The following LRRTM4 variants were observed in gnomAD, a reference collection of about 807,000 sequenced individuals.
The protein encoded by LRRTM4 is leucine rich repeat transmembrane neuronal 4.
A neutral mutation model predicts 47.6 loss-of-function variants in LRRTM4; 25 were observed. The ratio of observed to expected loss-of-function variants is 0.53; its 90% CI spans 0.38 to 0.73. LRRTM4 has a LOEUF of 0.73. LRRTM4 is among the 30% of genes least tolerant of loss of function. The pLI, the probability that LRRTM4 is intolerant of heterozygous loss-of-function variation, is 0.00. For synonymous variants in LRRTM4, 311 were observed against 269.5 expected (o/e 1.15, Z -1.51); for missense variants, 638 against 713.4 (o/e 0.89, Z 1.20).
intron 3 of LRRTM4, among the ~76,000 whole-genome samples, chr2:77,423,896 C>T (rs542617658): frequency 6.6e-6 from 1 of 152,146 alleles, no homozygotes; most frequent in Non-Finnish European, 1.5e-5. Context: ...GACAACCAGT[C>T]TTTGGTACAA....
intron 3 of LRRTM4, among the ~76,000 whole-genome samples, chr2:76,912,381 A>G (rs779990619): frequency 3.9e-5 from 6 of 152,132 alleles, no homozygotes; most frequent in Non-Finnish European, 7.4e-5. Context: ...CTTCAGTACT[A>G]TTTTCAGTTA....
At chr2:77,302,502 G>C (rs112429324) in intron 3 of LRRTM4, among the ~76,000 whole-genome samples, 1 of 152,222 alleles carries the variant, frequency 6.6e-6, no homozygotes, top group South Asian at 2.1e-4. Context: ...AAATATCACA[G>C]GGTTGCAAGT....
At chr2:76,803,003 A>G (rs987572092) in intron 3 of LRRTM4, among the ~76,000 whole-genome samples, 2 of 152,192 alleles carry the variant, frequency 1.3e-5, no homozygotes, top group Non-Finnish European at 2.9e-5. Context: ...AACAAGTAGT[A>G]GAAAACAGGG....
In LRRTM4 at chr2:77,157,037, A is replaced by G. The variant is rs1672579644; in HGVS notation, c.1551+361281T>C. Among the ~76,000 whole-genome samples the G allele has an allele frequency of 2.0e-5, 3 of 152,150 alleles. No homozygotes were observed. The South Asian group carries it at 6.2e-4, about 31-fold the overall frequency. On this transcript the variant is annotated intron_variant, in intron 3 of 3. Transcript: ENST00000409884. ...AGTAATAACAATTGTTATTAAATAT[A>G]CAAGTTATTAAACAAACCCTTAACA... is the stretch of plus-strand genomic sequence containing the variant.
At chr2:77,251,450 G>A (rs1463734001) in intron 3 of LRRTM4, among the ~76,000 whole-genome samples, 1 of 151,792 alleles carries the variant, frequency 6.6e-6, no homozygotes, top group East Asian at 2.0e-4. Flanking sequence ...AGATGAAAAG[G>A]AAGCTAAGTA....
At chr2:76,829,219 T>C (rs1671267298) in intron 3 of LRRTM4, among the ~76,000 whole-genome samples, 1 of 151,940 alleles carries the variant, frequency 6.6e-6, no homozygotes. Context: ...AACTGTTGGC[T>C]GGGTAATGAG....
intron 3 of LRRTM4, among the ~76,000 whole-genome samples, chr2:76,974,178 A>G (rs1676323209): frequency 7.6e-6 from 1 of 131,366 alleles, no homozygotes; most frequent in Non-Finnish European, 1.5e-5. Context: ...ACATACATAT[A>G]TATACATACA....
chr2:76,807,939 TTCTTTCTTTC>T (rs1670591609), intron 3 of LRRTM4, among the ~76,000 whole-genome samples: 1 of 135,680 alleles, frequency 7.4e-6, no homozygotes, highest in African/African-American at 3.0e-5. Context: ...TTTCCTTTCT[TTCTTTCTTTC>T]TTTCTTTTTC....
chr2:76,906,399 A>C (rs1673840745), intron 3 of LRRTM4, among the ~76,000 whole-genome samples: 2 of 152,184 alleles, frequency 1.3e-5, no homozygotes, highest in Admixed American at 1.3e-4. Context: ...GTCATGCCAA[A>C]TTGTAAAGAC....
intron 3 of LRRTM4, among the ~76,000 whole-genome samples, chr2:76,834,927 T>G (rs1010255341): frequency 3.3e-5 from 5 of 152,142 alleles, no homozygotes; most frequent in African/African-American, 1.2e-4. Context: ...TCCCTTTAGC[T>G]CTACAAAAGT....
intron 3 of LRRTM4, among the ~76,000 whole-genome samples, chr2:76,900,656 C>A (rs1249615911): frequency 2.0e-5 from 3 of 152,042 alleles, no homozygotes; most frequent in Non-Finnish European, 4.4e-5. Flanking sequence ...AAAGTATGTC[C>A]ATTTAAGTAT....
chr2:77,018,833 CTTCT>C lies in LRRTM4; in HGVS notation c.1552-269921_1552-269918del, dbSNP rs1378763431. ...ACAATTGGTATGTCACATTATTATT[CTTCT>C]TTCATGAAAGCAAGTTCTAATGAAC... On this transcript the variant is annotated intron_variant, in intron 3 of 3. Transcript: ENST00000409884. Among the ~76,000 whole-genome samples, 40 of 152,158 alleles carry C rather than the reference CTTCT, an allele frequency of 2.6e-4. No homozygotes were observed. The East Asian group carries it at 7.3e-3, about 28-fold the overall frequency.
chr2:77,150,908 T>G (rs1168615997), intron 3 of LRRTM4, among the ~76,000 whole-genome samples: 1 of 152,210 alleles, frequency 6.6e-6, no homozygotes, highest in Non-Finnish European at 1.5e-5. Flanking sequence ...CATCATTAAT[T>G]TAAAATTAGT....
intron 3 of LRRTM4, among the ~76,000 whole-genome samples, chr2:76,945,754 AGTG>A (rs1675301703): frequency 6.7e-6 from 1 of 150,236 alleles, no homozygotes. Flanking sequence ...AGTGTGTAGA[AGTG>A]TGTGTGTGTG....
chr2:77,187,232 C>A (rs1673536486), intron 3 of LRRTM4, among the ~76,000 whole-genome samples: 1 of 152,142 alleles, frequency 6.6e-6, no homozygotes, highest in South Asian at 2.1e-4. Context: ...ATTGATGCTA[C>A]AAAGTTCCTT....
chr2:77,213,483 T>C (rs1674352413), intron 3 of LRRTM4, among the ~76,000 whole-genome samples: 1 of 152,176 alleles, frequency 6.6e-6, no homozygotes, highest in Non-Finnish European at 1.5e-5. Context: ...AATATGTATA[T>C]GTATACATAC....
intron 3 of LRRTM4, among the ~76,000 whole-genome samples, chr2:76,955,349 G>C (rs192728384): frequency 1.3e-5 from 2 of 151,894 alleles, no homozygotes; most frequent in African/African-American, 4.8e-5. Context: ...GAGAAAAAAA[G>C]TGTAGTGTTT....
chr2:77,497,529 C>A (rs556193427), intron 3 of LRRTM4, among the ~76,000 whole-genome samples: 1 of 151,416 alleles, frequency 6.6e-6, no homozygotes, highest in East Asian at 1.9e-4. Context: ...TTATGCCACA[C>A]TTTTCTAGTT....
At chr2:76,769,168 T>C (rs1673580908) in intron 3 of LRRTM4, among the ~76,000 whole-genome samples, 1 of 152,106 alleles carries the variant, frequency 6.6e-6, no homozygotes, top group African/African-American at 2.4e-5. Context: ...AACATCTTCA[T>C]AGGACTAGAA....
Sources: allele counts gnomAD v4.1 joint callset (sites outside exome capture counted in the v4.1 genomes callset), GRCh38; gene constraint gnomAD v4.1.1; transcripts MANE v1.5; gene names NCBI Gene and HGNC (gene_info 2026-07-23, HGNC 2026-07-21).